The following CNTLN variants were observed in gnomAD, a reference collection of about 807,000 sequenced individuals.
The protein encoded by CNTLN is centlein.
Under a neutral mutation model 180.0 loss-of-function variants are expected in CNTLN, and 212 were observed. The ratio of observed to expected loss-of-function variants is 1.18; its 90% confidence interval spans 1.05 to 1.32. CNTLN has a LOEUF of 1.32. CNTLN is among the 40% of genes most tolerant of loss of function. CNTLN has a pLI of 0.00. For missense variants in CNTLN, 2,095 were observed against 1,610.9 expected (o/e 1.30, Z -5.14); for synonymous variants, 722 against 563.1 (o/e 1.28, Z -3.99).
At chr9:17,439,677 A>G (rs994686186) in intron 18 of CNTLN, among the ~76,000 whole-genome samples, 6 of 152,236 alleles carry the variant, frequency 3.9e-5, no homozygotes, top group Admixed American at 6.5e-5. Flanking sequence ...TAGACTAAAT[A>G]TATGTGTTCC....
At chr9:17,366,281 A>T (rs900205836) in intron 12 of CNTLN, among the ~76,000 whole-genome samples, 7 of 142,682 alleles carry the variant, frequency 4.9e-5, no homozygotes, top group Non-Finnish European at 3.1e-5. Flanking sequence ...GCGCGTAACC[A>T]TGATGGGCTA....
intron 13 of CNTLN, among the ~76,000 whole-genome samples, chr9:17,367,185 A>G (rs367970997): frequency 2.0e-5 from 3 of 152,186 alleles, no homozygotes; most frequent in Admixed American, 6.5e-5. Flanking sequence ...TTGTGCACTT[A>G]GGGGAGGGAG....
chr9:17,356,368 C>T (rs1481364968), intron 12 of CNTLN, among the ~76,000 whole-genome samples: 1 of 152,140 alleles, frequency 6.6e-6, no homozygotes, highest in Admixed American at 6.5e-5. Context: ...TGGAAAGTTT[C>T]AGAATAAGAT....
At chr9:17,240,468 C>T (rs1825415254) in intron 5 of CNTLN, among the ~76,000 whole-genome samples, 1 of 152,068 alleles carries the variant, frequency 6.6e-6, no homozygotes. Context: ...TTTCATACTT[C>T]CCTGCTGGAA....
At chr9:17,382,617 A>G (rs963036454) in intron 13 of CNTLN, among the ~76,000 whole-genome samples, 8 of 152,338 alleles carry the variant, frequency 5.3e-5, no homozygotes, top group African/African-American at 1.7e-4. Flanking sequence ...GTACCTAAAC[A>G]TTTAAGGAGA....
chr9:17,335,413 G>T (rs1416984146), intron 10 of CNTLN, among the ~76,000 whole-genome samples: 1 of 151,686 alleles, frequency 6.6e-6, no homozygotes, highest in African/African-American at 2.4e-5. Context: ...GCTACTCAGG[G>T]GGCTGAGGCA....
At chr9:17,376,094 C>T (rs947787852) in intron 13 of CNTLN, among the ~76,000 whole-genome samples, 1 of 152,142 alleles carries the variant, frequency 6.6e-6, no homozygotes, top group African/African-American at 2.4e-5. Context: ...AATATTTGAA[C>T]CCCTCCATTT....
intron 23 of CNTLN, among the ~76,000 whole-genome samples, chr9:17,477,024 G>A (rs375396637): frequency 3.7e-4 from 57 of 152,238 alleles, no homozygotes; most frequent in African/African-American, 1.1e-3. Flanking sequence ...AGTTGAAGCC[G>A]ATGCTCATTT....
chr9:17,373,868 G>A, intron 13 of CNTLN, among the ~76,000 whole-genome samples: 1 of 152,090 alleles, frequency 6.6e-6, no homozygotes, highest in Non-Finnish European at 1.5e-5. Context: ...ATTGGGAAAA[G>A]GACAGTCTCT....
At chr9:17,354,231 C>T (rs922142014) in intron 12 of CNTLN, among the ~76,000 whole-genome samples, 2 of 152,184 alleles carry the variant, frequency 1.3e-5, no homozygotes, top group Non-Finnish European at 2.9e-5. Flanking sequence ...ACTCCATGGG[C>T]TCCTGTGCAG....
At chr9:17,507,092 C>G (rs916758071), downstream of CNTLN, among the ~76,000 whole-genome samples, 1 of 152,030 alleles carries the variant, frequency 6.6e-6, no homozygotes, top group African/African-American at 2.4e-5. Flanking sequence ...ATCTCATCAC[C>G]CAAGTAGCAA....
rs1252152793 is a variant in CNTLN, at chr9:17,269,678, T to C, written c.850-4055T>C. The stretch of plus-strand genomic sequence containing the variant: ...TTAAAAATTGTTGAGCCTTGTTTTA[T>C]GGTCTGTCATGGAGAATGTTTCATG... On this transcript the variant is annotated intron_variant, in intron 5 of 25. Transcript: ENST00000380647. Among the ~76,000 whole-genome samples the C allele has an allele frequency of 2.0e-5, 3 of 152,196 alleles. No individual in the cohort carries two copies. The East Asian group carries it at 5.8e-4, about 29-fold the overall frequency.
chr9:17,135,309 G>A lies in CNTLN; in HGVS notation c.244G>A (p.Ala82Thr), dbSNP rs1586875004. The change falls in exon 1 of 26, where the codon GCG becomes ACG. Residue 82 changes from alanine to threonine, a missense_variant. By Grantham distance (58) the Ala-to-Thr change is moderately conservative (BLOSUM62 0). Coordinates refer to ENST00000380647, the MANE Select transcript of CNTLN (RefSeq NM_017738.4). ...TCCGGCTCATGCTCCCCTCCTCAGC[G>A]CGCCCATGGGGTCCAGACGGCTAGA... is the stretch of plus-strand genomic sequence containing the variant. ...AAPAHAPLLS[A>T]PMGSRRLEGI... The A allele has an allele frequency of 6.2e-7, 1 of 1,601,640 alleles. No individual in the cohort carries two copies. The highest frequency in any genetic ancestry group is 8.5e-7 in the Non-Finnish European group (1 of 1,175,044).
At chr9:17,479,861 A>G (rs1832543979) in intron 23 of CNTLN, among the ~76,000 whole-genome samples, 1 of 152,196 alleles carries the variant, frequency 6.6e-6, no homozygotes, top group African/African-American at 2.4e-5. Flanking sequence ...AAGACAGACT[A>G]TGATAGAAAA....
intron 23 of CNTLN, among the ~76,000 whole-genome samples, chr9:17,480,479 T>A (rs561463155): frequency 6.6e-6 from 1 of 152,266 alleles, no homozygotes; most frequent in East Asian, 1.9e-4. Flanking sequence ...AATTGATGAA[T>A]CCTTAGGTGT....
chr9:17,358,690 A>T (rs1212396599), intron 12 of CNTLN, among the ~76,000 whole-genome samples: 3 of 152,164 alleles, frequency 2.0e-5, no homozygotes, highest in African/African-American at 7.2e-5. Context: ...AGTATGTACT[A>T]AAAAAGTAAT....
intron 7 of CNTLN, chr9:17,299,663 T>C (rs1466292386): frequency 2.0e-6 from 2 of 983,950 alleles, no homozygotes; most frequent in Non-Finnish European, 2.4e-6. Context: ...CCTTTTTGTT[T>C]TATGGGGTGA....
At position 17,364,468 on chromosome 9, in the gene CNTLN, A is replaced by G. The variant is rs113041870; in HGVS notation, c.1887-2149A>G. ...ATATTTTTAGATATATTATTTGATT[A>G]TTTTTGTCTATTTTCTGTTTCATAA... On this transcript the variant is annotated intron_variant, in intron 12 of 25. Coordinates refer to ENST00000380647, the MANE Select transcript of CNTLN (RefSeq NM_017738.4). 2.2e-3 allele frequency among the ~76,000 whole-genome samples: 334 copies of G among 151,860 alleles called. 1 individual carries two copies. Among genetic ancestry groups the G allele is most frequent in the African/African-American group, 7.7e-3 (317 of 41,428 alleles).
intron 8 of CNTLN, among the ~76,000 whole-genome samples, chr9:17,320,652 G>A (rs1819847168): frequency 6.6e-6 from 1 of 152,046 alleles, no homozygotes; most frequent in South Asian, 2.1e-4. Flanking sequence ...ACAGGCACGA[G>A]CCTCCACACC....
Sources: gnomAD v4.1 joint callset for allele counts (sites outside exome capture counted in the v4.1 genomes callset) on GRCh38, gnomAD v4.1.1 for gene constraint, MANE v1.5 for transcripts, NCBI Gene and HGNC (gene_info 2026-07-23, HGNC 2026-07-21) for gene names.